YAP1: variants seen among roughly 807,000 people sequenced by gnomAD.
The protein encoded by YAP1 is Yes1 associated transcriptional regulator.
A neutral mutation model predicts 56.9 loss-of-function variants in YAP1; 5 were observed. The observed-to-expected ratio is 0.09, with a 90% CI of 0.05 to 0.18. The LOEUF (loss-of-function observed/expected upper bound fraction) is 0.18. Among genes scored for constraint, YAP1 ranks in the 10% least tolerant of loss-of-function variants. The pLI is 1.00. For synonymous variants in YAP1, 265 were observed against 248.1 expected (o/e 1.07, Z -0.64); for missense variants, 539 against 651.8 (o/e 0.83, Z 1.88).
chr11:102,137,938 C>T (rs1037882288), intron 2 of YAP1, among the ~76,000 whole-genome samples: 61 of 151,674 alleles, frequency 4.0e-4, no homozygotes, highest in African/African-American at 1.4e-3. Flanking sequence ...CCCAGGCTGG[C>T]GTGTTGTGGT....
At chr11:102,183,774 AG>A (rs1947778663) in intron 3 of YAP1, among the ~76,000 whole-genome samples, 1 of 150,986 alleles carries the variant, frequency 6.6e-6, no homozygotes, top group Non-Finnish European at 1.5e-5. Flanking sequence ...ATATTCAAGC[AG>A]GCTTGAAAGC....
chr11:102,114,426 C>T (rs1181055443), intron 2 of YAP1, 32 bp downstream of exon 2: 5 of 1,598,042 alleles, frequency 3.1e-6, no homozygotes, highest in Non-Finnish European at 1.7e-6. Context: ...AGACAGTTAT[C>T]TAAGACAAAT....
intron 2 of YAP1, among the ~76,000 whole-genome samples, chr11:102,144,553 C>A (rs1270399893): frequency 6.6e-6 from 1 of 152,072 alleles, no homozygotes; most frequent in South Asian, 2.1e-4. Flanking sequence ...TGTATTGCAA[C>A]ATTATTTATC....
intron 2 of YAP1, among the ~76,000 whole-genome samples, chr11:102,153,754 C>T (rs1256397086): frequency 2.0e-5 from 3 of 151,696 alleles, no homozygotes; most frequent in African/African-American, 4.8e-5. Flanking sequence ...TTTTAGATTC[C>T]GAGAGCTTGA....
At chr11:102,126,248 A>T (rs546324453) in intron 2 of YAP1, among the ~76,000 whole-genome samples, 89 of 152,318 alleles carry the variant, frequency 5.8e-4, no homozygotes, top group Non-Finnish European at 1.2e-3. Context: ...AACAGTGACT[A>T]TTAGCAATTT....
chr11:102,157,795 G>GA (rs1177650862), intron 2 of YAP1, among the ~76,000 whole-genome samples: 2 of 152,110 alleles, frequency 1.3e-5, no homozygotes, highest in Non-Finnish European at 2.9e-5. Context: ...ACTTTTATCA[G>GA]AAAAAATTCA....
intron 6 of YAP1, among the ~76,000 whole-genome samples, chr11:102,218,283 T>C (rs1370031578): frequency 6.6e-6 from 1 of 152,226 alleles, no homozygotes; most frequent in Admixed American, 6.5e-5. Flanking sequence ...AAGTCCCTTA[T>C]ATAAAATGGC....
chr11:102,186,900 C>G, intron 4 of YAP1, among the ~76,000 whole-genome samples: 1 of 148,738 alleles, frequency 6.7e-6, no homozygotes, highest in Non-Finnish European at 1.5e-5. Context: ...TTTCCAAGGC[C>G]ATGGAATATG....
At chr11:102,156,642 A>G (rs1021709893) in intron 2 of YAP1, among the ~76,000 whole-genome samples, 1 of 152,178 alleles carries the variant, frequency 6.6e-6, no homozygotes, top group African/African-American at 2.4e-5. Context: ...TTTCTATATC[A>G]TGAAATCAGG....
chr11:102,139,938 A>T (rs1044893902), intron 2 of YAP1, among the ~76,000 whole-genome samples: 1 of 152,176 alleles, frequency 6.6e-6, no homozygotes, highest in African/African-American at 2.4e-5. Context: ...CAAAGGATGA[A>T]ATTGGCTTAT....
chr11:102,161,722 A>C (rs923722219), intron 2 of YAP1, among the ~76,000 whole-genome samples: 55 of 152,206 alleles, frequency 3.6e-4, no homozygotes, highest in African/African-American at 1.3e-3. Context: ...AAGAAAACTT[A>C]GTACTTATTG....
intron 7 of YAP1, among the ~76,000 whole-genome samples, chr11:102,225,923 T>TG (rs556456327): frequency 6.6e-6 from 1 of 152,144 alleles, no homozygotes; most frequent in African/African-American, 2.4e-5. Context: ...ACTGAATGAG[T>TG]GGGGCCTGTA....
At chr11:102,111,593 C>G (rs903474369) in intron 1 of YAP1, among the ~76,000 whole-genome samples, 19 of 137,236 alleles carry the variant, frequency 1.4e-4, no homozygotes, top group Non-Finnish European at 2.7e-4. Flanking sequence ...TCGCTCCCGC[C>G]GGGCCGGGCT....
chr11:102,213,688 C>T (rs1949527621), intron 6 of YAP1, among the ~76,000 whole-genome samples: 1 of 152,130 alleles, frequency 6.6e-6, no homozygotes, highest in African/African-American at 2.4e-5. Flanking sequence ...AGCTTTTCCC[C>T]ATAGTGAGAA....
At chr11:102,225,492 C>G (rs1283587826) in intron 7 of YAP1, among the ~76,000 whole-genome samples, 1 of 152,150 alleles carries the variant, frequency 6.6e-6, no homozygotes, top group African/African-American at 2.4e-5. Context: ...TCTCAAAAAA[C>G]AAAAAGACAA....
intron 2 of YAP1, among the ~76,000 whole-genome samples, chr11:102,125,622 G>A (rs1256977034): frequency 2.7e-5 from 4 of 150,748 alleles, no homozygotes; most frequent in East Asian, 4.0e-4. Context: ...CAAGTGATCC[G>A]CCTACCTCAG....
At chr11:102,114,543 A>G (rs1471018508) in intron 2 of YAP1, 149 bp downstream of exon 2, 32 of 1,036,142 alleles carry the variant, frequency 3.1e-5, no homozygotes, top group Non-Finnish European at 4.3e-5. Flanking sequence ...TTCCATATAT[A>G]TGTTTCAGTT....
chr11:102,215,766 A>G lies in YAP1; in HGVS notation c.1032+6202A>G, dbSNP rs113683955. Among the ~76,000 whole-genome samples, 5 of 152,190 alleles carry G rather than the reference A, an allele frequency of 3.3e-5. 1 individual carries two copies. Among genetic ancestry groups the G allele is most frequent in the Admixed American group, 3.3e-4 (5 of 15,280 alleles). Reference sequence around the variant, plus strand: ...AGTGTTGGGATTACAGTCATGAGCCACTGCGCCTGGCCTGTTAATATTTTT... The same window carrying G: ...AGTGTTGGGATTACAGTCATGAGCCGCTGCGCCTGGCCTGTTAATATTTTT... On this transcript the variant is annotated intron_variant, in intron 6 of 8. Coordinates refer to ENST00000282441, the MANE Select transcript of YAP1 (RefSeq NM_001130145.3).
chr11:102,198,494 G>A (rs1187686651), intron 4 of YAP1, among the ~76,000 whole-genome samples: 1 of 152,116 alleles, frequency 6.6e-6, no homozygotes, highest in Non-Finnish European at 1.5e-5. Context: ...AAGCTCAAAA[G>A]CTTATCCAAA....
Sources: allele counts gnomAD v4.1 joint callset (sites outside exome capture counted in the v4.1 genomes callset), GRCh38; gene constraint gnomAD v4.1.1; transcripts MANE v1.5; gene names NCBI Gene and HGNC (gene_info 2026-07-23, HGNC 2026-07-21).